The following DEFB125 variants were observed in gnomAD, a reference collection of about 807,000 sequenced individuals.
DEFB125 encodes beta-defensin 125.
In DEFB125, 11 loss-of-function variants were observed where a neutral mutation model predicts 11.8. That is an observed-to-expected ratio of 0.94 (90% CI 0.59 to 1.55). DEFB125 has a LOEUF of 1.55. Ranked by LOEUF, DEFB125 falls within the 40% of genes most tolerant of loss-of-function variation. The pLI is 0.00. For synonymous variants in DEFB125, 79 were observed against 66.7 expected (o/e 1.18, Z -0.90); for missense variants, 198 against 191.2 (o/e 1.04, Z -0.21).
rs775021767 is a variant in DEFB125 at position 96,020 on chromosome 20, A to C, written c.74A>C (p.Gln25Pro). 5.0e-6 allele frequency: 8 copies of C among 1,600,870 alleles called. No homozygotes were observed. The highest frequency in any genetic ancestry group is 6.8e-6 in the Non-Finnish European group (8 of 1,170,088). Reference sequence around the variant, plus strand: ...TTCTCTACAGGTAGCTTTGAACCCCAAAAATGTTGGAAGAATAATGTAGGA... The same window carrying C: ...TTCTCTACAGGTAGCTTTGAACCCCCAAAATGTTGGAAGAATAATGTAGGA... ...TRVTKGSFEP[Q>P]KCWKNNVGHC... Residue 25 changes from glutamine (Q) to proline (P), a missense_variant, in exon 2 of 2, where the codon CAA becomes CCA. Transcript: ENST00000382410.
At position 96,062 on chromosome 20, in the gene DEFB125, G is replaced by A. The variant is rs370092526; in HGVS notation, c.116G>A (p.Cys39Tyr). ...KNNVGHCRRRCLDTERYILLC... is the reference protein window; with the variant it reads ...KNNVGHCRRRYLDTERYILLC... ...AATGTAGGACATTGCAGAAGACGATGTTTAGATACTGAAAGGTACATACTT... is the reference window on the plus strand; with the variant it reads ...AATGTAGGACATTGCAGAAGACGATATTTAGATACTGAAAGGTACATACTT... The change falls in exon 2 of 2, where the codon TGT becomes TAT. Residue 39 changes from cysteine to tyrosine, a missense_variant. By Grantham distance (194) the Cys-to-Tyr change is radical (BLOSUM62 -2). Coordinates refer to ENST00000382410, the MANE Select transcript of DEFB125 (RefSeq NM_153325.4). 1.9e-5 allele frequency: 30 copies of A among 1,613,620 alleles called. No individual in the cohort carries two copies. The highest frequency in any genetic ancestry group is 3.3e-5 in the South Asian group (3 of 91,078).
chr20:92,944 T>C (rs2054501762), intron 1 of DEFB125, among the ~76,000 whole-genome samples: 1 of 151,066 alleles, frequency 6.6e-6, no homozygotes, highest in East Asian at 2.0e-4. Context: ...CATCACCCTA[T>C]TCTATATTAA....
rs769435585 is a variant in DEFB125 at position 96,094 on chromosome 20, A to T, written c.148A>T (p.Arg50Trp). The T allele has an allele frequency of 6.2e-7, 1 of 1,614,164 alleles. No individual in the cohort carries two copies. Among genetic ancestry groups the T allele is most frequent in the South Asian group, 1.1e-5 (1 of 91,086 alleles). ...LDTERYILLC[R>W]NKLSCCISII... Reference sequence around the variant, plus strand: ...TACTGAAAGGTACATACTTCTTTGTAGGAACAAGCTATCATGCTGCATTTC... The same window carrying T: ...TACTGAAAGGTACATACTTCTTTGTTGGAACAAGCTATCATGCTGCATTTC... The change falls in exon 2 of 2, where the codon AGG becomes TGG. Residue 50 changes from arginine (R) to tryptophan (W), a missense_variant. Physicochemically the swap from Arg to Trp is moderately radical, Grantham distance 101 (BLOSUM62 -3). Transcript: ENST00000382410.
intron 1 of DEFB125, among the ~76,000 whole-genome samples, chr20:90,365 C>G (rs190031421): frequency 6.6e-6 from 1 of 152,278 alleles, no homozygotes; most frequent in East Asian, 1.9e-4. Context: ...TTTCTATATC[C>G]TATGACACTC....
At chr20:94,911 C>T (rs1021642334) in intron 1 of DEFB125, among the ~76,000 whole-genome samples, 5 of 152,180 alleles carry the variant, frequency 3.3e-5, no homozygotes, top group African/African-American at 9.7e-5. Context: ...CCCCCAGGCT[C>T]ATCCATGAGT....
chr20:89,870 G>A (rs1428352244), intron 1 of DEFB125, among the ~76,000 whole-genome samples: 1 of 151,998 alleles, frequency 6.6e-6, no homozygotes, highest in Non-Finnish European at 1.5e-5. Flanking sequence ...TGGAGAGGTA[G>A]TTTTCATTTC....
chr20:88,654 G>A (rs1438976468), intron 1 of DEFB125, among the ~76,000 whole-genome samples: 1 of 151,996 alleles, frequency 6.6e-6, no homozygotes, highest in Non-Finnish European at 1.5e-5. Context: ...GTTCTGCAAT[G>A]TACTAGCAAT....
intron 1 of DEFB125, among the ~76,000 whole-genome samples, chr20:92,369 A>G (rs1222064449): frequency 1.3e-5 from 2 of 148,452 alleles, no homozygotes; most frequent in African/African-American, 5.0e-5. Flanking sequence ...ATCCTACTGC[A>G]TTTCTCTTGT....
chr20:91,777 A>G (rs1202105271), intron 1 of DEFB125, among the ~76,000 whole-genome samples: 3 of 152,238 alleles, frequency 2.0e-5, no homozygotes, highest in African/African-American at 4.8e-5. Context: ...TATTTCAAGT[A>G]TGGATAATGC....
chr20:95,242 G>A (rs939279785), intron 1 of DEFB125, among the ~76,000 whole-genome samples: 7 of 151,942 alleles, frequency 4.6e-5, no homozygotes, highest in Non-Finnish European at 8.8e-5. Context: ...CTTTTAAGTC[G>A]TTTCCTCTTA....
Position 96,575 on chromosome 20 carries a change from G to T in DEFB125, c.*158G>T. Reference sequence around the variant, plus strand: ...GCTACTACCAACACAACAGCCAAGAGAGTTGCCTTACAATTAGAAATGTGT... The same window carrying T: ...GCTACTACCAACACAACAGCCAAGATAGTTGCCTTACAATTAGAAATGTGT... On this transcript the variant is annotated 3_prime_UTR_variant, in exon 2 of 2. Transcript: ENST00000382410. 1 of 822,886 alleles carries T rather than the reference G, an allele frequency of 1.2e-6. No homozygotes were observed. The allele number at this position is 822,886 out of a possible 1,614,324, so 51.0% of individuals were successfully genotyped here.
At chr20:92,643 G>A (rs369814210) in intron 1 of DEFB125, among the ~76,000 whole-genome samples, 16 of 151,974 alleles carry the variant, frequency 1.1e-4, no homozygotes, top group South Asian at 6.2e-4. Flanking sequence ...CACCCTCCTC[G>A]GCTTCCCAAA....
intron 1 of DEFB125, among the ~76,000 whole-genome samples, chr20:90,149 G>C (rs2054491101): frequency 6.6e-6 from 1 of 152,036 alleles, no homozygotes; most frequent in African/African-American, 2.4e-5. Context: ...CCCCTACTTA[G>C]AAACATACAA....
intron 1 of DEFB125, among the ~76,000 whole-genome samples, chr20:90,278 GA>G (rs941372545): frequency 2.1e-4 from 31 of 149,752 alleles, no homozygotes; most frequent in Middle Eastern, 6.8e-3. Flanking sequence ...TGTCACTTTA[GA>G]AAAAAAAAAT....
chr20:87,845 A>G, intron 1 of DEFB125, 78 bp downstream of exon 1: 1 of 1,492,566 alleles, frequency 6.7e-7, no homozygotes, highest in Non-Finnish European at 9.3e-7. Context: ...CATGATGGGA[A>G]GAGAGGGAAT....
intron 1 of DEFB125, 101 bp from the exon 2 acceptor site, chr20:95,904 A>T: frequency 1.9e-6 from 2 of 1,072,044 alleles, no homozygotes; most frequent in Non-Finnish European, 2.7e-6. Context: ...ATTTGACATC[A>T]TATTAGTCTA....
rs765443181 is a variant in DEFB125 at position 96,260 on chromosome 20, C to T, written c.314C>T (p.Thr105Ile). ...MLNDLITFDTTKFGETMTPET... is the reference protein window; with the variant it reads ...MLNDLITFDTIKFGETMTPET... ...AATGATCTGATAACATTTGACACAA[C>T]TAAATTTGGAGAAACCATGACACCT... The change falls in exon 2 of 2, where the codon ACT (threonine) becomes ATT (isoleucine). Residue 105 changes from threonine (T) to isoleucine (I), a missense_variant. Coordinates refer to ENST00000382410, the MANE Select transcript of DEFB125 (RefSeq NM_153325.4). The T allele has an allele frequency of 2.5e-6, 4 of 1,614,014 alleles. No homozygotes were observed. Among genetic ancestry groups the T allele is most frequent in the African/African-American group, 2.7e-5 (2 of 74,898 alleles).
Position 96,543 on chromosome 20 carries a change from C to G in DEFB125, c.*126C>G, listed in dbSNP as rs1249805526. 8.5e-7 allele frequency: 1 copy of G among 1,180,220 alleles called. No homozygotes were observed. Among genetic ancestry groups the G allele is most frequent in the Non-Finnish European group, 1.2e-6 (1 of 845,032 alleles). 73.1% of individuals were successfully genotyped at this position (1,180,220 alleles called of 1,614,324 possible). ...GGGATTGGATGACCATGGGGATGGA[C>G]ATAATTGCTACTACCAACACAACAG... On this transcript the variant is annotated 3_prime_UTR_variant, in exon 2 of 2. Coordinates refer to ENST00000382410, the MANE Select transcript of DEFB125 (RefSeq NM_153325.4).
At chr20:92,969 C>CTT (rs33976266) in intron 1 of DEFB125, among the ~76,000 whole-genome samples, 23 of 116,056 alleles carry the variant, frequency 2.0e-4, no homozygotes, top group African/African-American at 6.8e-4. Flanking sequence ...TCCTTTTCTG[C>CTT]TTTTTTTTTT....
Sources: allele counts gnomAD v4.1 joint callset (sites outside exome capture counted in the v4.1 genomes callset), GRCh38; gene constraint gnomAD v4.1.1; transcripts MANE v1.5; gene names NCBI Gene and HGNC (gene_info 2026-07-23, HGNC 2026-07-21).